Variants in IL1RAPL2 observed in about 807,000 individuals in gnomAD.
IL1RAPL2 encodes X-linked interleukin-1 receptor accessory protein-like 2.
In IL1RAPL2, 3 loss-of-function variants were observed where a neutral mutation model predicts 44.1. That is an observed-to-expected ratio of 0.07 (90% CI 0.03 to 0.18). The LOEUF is 0.18. IL1RAPL2 is among the 10% of genes least tolerant of loss of function. The pLI is 1.00. For missense variants in IL1RAPL2, 391 were observed against 496.4 expected (o/e 0.79, Z 2.02); for synonymous variants, 181 against 178.8 (o/e 1.01, Z -0.10).
At chrX:104,880,684 A>G (rs139450718) in intron 2 of IL1RAPL2, among the ~76,000 whole-genome samples, 9 of 112,088 alleles carry the variant, frequency 8.0e-5, no homozygotes, top group African/African-American at 2.6e-4. Flanking sequence ...AAAAATCAAA[A>G]TTTGCTACAG....
chrX:105,486,026 A>C (rs950863538), intron 6 of IL1RAPL2, among the ~76,000 whole-genome samples: 4 of 111,389 alleles, frequency 3.6e-5, no homozygotes, highest in African/African-American at 1.3e-4. Flanking sequence ...TTACTGAGGA[A>C]CCTCCAAACC....
chrX:104,874,955 G>C (rs1922864727), intron 2 of IL1RAPL2, among the ~76,000 whole-genome samples: 1 of 111,498 alleles, frequency 9.0e-6, no homozygotes, highest in African/African-American at 3.3e-5. Context: ...TATACTTATG[G>C]GAGGCCCTCT....
At chrX:105,531,611 T>C (rs74375023) in intron 6 of IL1RAPL2, among the ~76,000 whole-genome samples, 2,577 of 112,066 alleles carry the variant, frequency 0.023, 74 homozygotes, top group African/African-American at 0.079. Flanking sequence ...TTGTGGGGTA[T>C]TGCTCAAGAA....
chrX:105,615,216 C>T (rs1035383899), intron 6 of IL1RAPL2, among the ~76,000 whole-genome samples: 2 of 111,612 alleles, frequency 1.8e-5, no homozygotes, highest in South Asian at 3.8e-4. Flanking sequence ...AAGGAACTCT[C>T]GTCCACTGTT....
intron 2 of IL1RAPL2, among the ~76,000 whole-genome samples, chrX:104,803,548 G>A (rs758271909): frequency 5.5e-4 from 62 of 112,306 alleles, no homozygotes; most frequent in African/African-American, 1.9e-3. Context: ...TTTCTAAGTG[G>A]AAGAAATTCC....
chrX:104,662,461 A>G (rs961538880), intron 2 of IL1RAPL2, among the ~76,000 whole-genome samples: 1 of 112,102 alleles, frequency 8.9e-6, no homozygotes, highest in African/African-American at 3.2e-5. Context: ...TGGATAGATA[A>G]AAGTCATTTG....
At chrX:104,949,670 T>G (rs1258764346) in intron 2 of IL1RAPL2, among the ~76,000 whole-genome samples, 5 of 110,283 alleles carry the variant, frequency 4.5e-5, no homozygotes, top group Non-Finnish European at 9.5e-5. Flanking sequence ...CTTCATTTCG[T>G]TATGTAGCCA....
At chrX:105,153,738 T>C (rs1462025891) in intron 2 of IL1RAPL2, among the ~76,000 whole-genome samples, 24 of 111,764 alleles carry the variant, frequency 2.1e-4, no homozygotes, top group Non-Finnish European at 5.6e-5. Flanking sequence ...TTCAAAGATC[T>C]CCTGATTGGC....
intron 5 of IL1RAPL2, among the ~76,000 whole-genome samples, chrX:105,439,110 C>T (rs2035901269): frequency 9.0e-6 from 1 of 111,404 alleles, no homozygotes; most frequent in African/African-American, 3.3e-5. Context: ...TTCCTGAGGC[C>T]TTTGCAGCCA....
intron 7 of IL1RAPL2, among the ~76,000 whole-genome samples, chrX:105,736,659 A>G (rs1432659968): frequency 1.8e-5 from 2 of 111,898 alleles, no homozygotes; most frequent in East Asian, 2.8e-4. Flanking sequence ...GATAATCAAA[A>G]CCACAACAAG....
At chrX:105,163,798 A>G (rs756770647) in intron 2 of IL1RAPL2, among the ~76,000 whole-genome samples, 10 of 111,028 alleles carry the variant, frequency 9.0e-5, no homozygotes, top group African/African-American at 2.9e-4. Flanking sequence ...GCTTGGCCCT[A>G]AGTAGGAAGA....
intron 5 of IL1RAPL2, among the ~76,000 whole-genome samples, chrX:105,466,871 G>A (rs1422121185): frequency 1.8e-5 from 2 of 111,846 alleles, no homozygotes; most frequent in Non-Finnish European, 3.8e-5. Flanking sequence ...GGGCCTTTTT[G>A]TTGATGAGGA....
chrX:105,726,452 G>A (rs112090189), intron 7 of IL1RAPL2, among the ~76,000 whole-genome samples: 4 of 111,410 alleles, frequency 3.6e-5, no homozygotes, highest in Non-Finnish European at 5.7e-5. Flanking sequence ...AAAATCTGTC[G>A]GGGACTGAAA....
intron 6 of IL1RAPL2, among the ~76,000 whole-genome samples, chrX:105,532,810 G>A (rs1228450297): frequency 9.1e-6 from 1 of 109,639 alleles, no homozygotes; most frequent in African/African-American, 3.3e-5. Context: ...CTTACTTTTT[G>A]TTTCATGAAA....
At chrX:104,835,704 A>G (rs1484834155) in intron 2 of IL1RAPL2, among the ~76,000 whole-genome samples, 1 of 112,369 alleles carries the variant, frequency 8.9e-6, no homozygotes, top group Non-Finnish European at 1.9e-5. Context: ...ATACAAAGGT[A>G]TTATTAAAAC....
At chrX:104,619,829 CTGAG>C (rs1455577547) in intron 1 of IL1RAPL2, among the ~76,000 whole-genome samples, 1 of 111,752 alleles carries the variant, frequency 8.9e-6, no homozygotes, top group African/African-American at 3.3e-5. Context: ...TACAAGCATG[CTGAG>C]TGTTATCATG....
intron 2 of IL1RAPL2, among the ~76,000 whole-genome samples, chrX:104,910,152 A>G (rs940375840): frequency 3.6e-5 from 4 of 112,235 alleles, no homozygotes; most frequent in African/African-American, 1.3e-4. Context: ...TTGACTAGGA[A>G]AGGGAACTCC....
chrX:104,788,979 A>G (rs1932812527), intron 2 of IL1RAPL2, among the ~76,000 whole-genome samples: 1 of 111,926 alleles, frequency 8.9e-6, no homozygotes, highest in Admixed American at 9.5e-5. Flanking sequence ...TCTTTATGCT[A>G]TTGTGAGAAG....
chrX:104,890,576 G>C (rs768522746), intron 2 of IL1RAPL2, among the ~76,000 whole-genome samples: 3 of 112,409 alleles, frequency 2.7e-5, no homozygotes, highest in African/African-American at 9.7e-5. Flanking sequence ...TCATGGGTCT[G>C]TTGGATGCAT....
Sources: gnomAD v4.1 joint callset for allele counts (sites outside exome capture counted in the v4.1 genomes callset) on GRCh38, gnomAD v4.1.1 for gene constraint, MANE v1.5 for transcripts, NCBI Gene and HGNC (gene_info 2026-07-23, HGNC 2026-07-21) for gene names.